Variants in TCF25 observed in about 807,000 individuals in gnomAD.
TCF25 encodes the protein ribosome quality control complex subunit TCF25.
Under a neutral mutation model 83.1 loss-of-function variants are expected in TCF25, and 41 were observed. The ratio of observed to expected loss-of-function variants is 0.49; its 90% confidence interval spans 0.38 to 0.64. The LOEUF (loss-of-function observed/expected upper bound fraction) is 0.64, where lower values mean the gene tolerates loss of function less well. Ranked by LOEUF, TCF25 falls within the 30% of genes least tolerant of loss-of-function variation. TCF25 has a pLI of 0.00. For synonymous variants in TCF25, 458 were observed against 365.0 expected (o/e 1.25, Z -2.90); for missense variants, 979 against 914.5 (o/e 1.07, Z -0.91).
At chr16:89,893,665 G>C in intron 6 of TCF25, 63 bp from the exon 7 acceptor site, 1 of 1,610,582 alleles carries the variant, frequency 6.2e-7, no homozygotes, top group Middle Eastern at 2.0e-4. Flanking sequence ...GGTGAGGGCT[G>C]TGCTCGGAGC....
intron 13 of TCF25, chr16:89,904,440 A>G (rs1411462892): frequency 1.7e-6 from 1 of 578,520 alleles, no homozygotes; most frequent in Non-Finnish European, 3.1e-6. Flanking sequence ...GCTCATATAA[A>G]GAGGGTGCCA....
In TCF25 at chr16:89,881,384, C is replaced by T. The variant is rs182779330; in HGVS notation, c.193-1967C>T. The stretch of plus-strand genomic sequence containing the variant: ...ATTTATTTTTGAACCTTAGTGCATC[C>T]GATTGGATCCATCAGAATCTCCTAG... On this transcript the variant is annotated intron_variant, in intron 1 of 17. Transcript: ENST00000263346. 1.7e-4 allele frequency among the ~76,000 whole-genome samples: 26 copies of T among 152,104 alleles called. 1 individual carries two copies. The highest frequency in any genetic ancestry group is 6.8e-3 in the Middle Eastern group (2 of 294).
rs761591870 is a variant in TCF25 at position 89,885,681 on chromosome 16, C to T, written c.430-167C>T. Reference sequence around the variant, plus strand: ...GCTGAGCGCTTCTTAGGAAACATCTCTTCTTTTTTCTAAATGTGTGGATGG... The same window carrying T: ...GCTGAGCGCTTCTTAGGAAACATCTTTTCTTTTTTCTAAATGTGTGGATGG... On this transcript the variant is annotated intron_variant, in intron 3 of 17. Coordinates refer to ENST00000263346, the MANE Select transcript of TCF25 (RefSeq NM_014972.3). Among the ~76,000 whole-genome samples, 180 of 152,270 alleles carry T rather than the reference C, an allele frequency of 1.2e-3. 5 individuals carry two copies. Among genetic ancestry groups the T allele is most frequent in the Non-Finnish European group, 3.2e-4 (22 of 68,026 alleles).
intron 14 of TCF25, 160 bp from the exon 15 acceptor site, chr16:89,906,034 A>T (rs917479805): frequency 1.5e-6 from 1 of 657,698 alleles, no homozygotes; most frequent in East Asian, 2.8e-5. Flanking sequence ...GGGACCAGCC[A>T]TGGTGCCTCT....
intron 11 of TCF25, 150 bp from the exon 12 acceptor site, chr16:89,900,485 T>C: frequency 1.2e-6 from 1 of 842,276 alleles, no homozygotes; most frequent in Non-Finnish European, 1.7e-6. Context: ...TTAAGTTATC[T>C]TTATGCTGAG....
At chr16:89,873,957 A>G in intron 1 of TCF25, 98 bp downstream of exon 1, 1 of 1,027,208 alleles carries the variant, frequency 9.7e-7, no homozygotes, top group Non-Finnish European at 1.2e-6. Flanking sequence ...TTGTGATGCC[A>G]GGGGTGGGAA....
chr16:89,911,125 C>A lies in TCF25; in HGVS notation c.1918C>A (p.Gln640Lys). 1 of 1,611,834 alleles carries A rather than the reference C, an allele frequency of 6.2e-7. No individual in the cohort carries two copies. Among genetic ancestry groups the A allele is most frequent in the South Asian group, 1.1e-5 (1 of 91,024 alleles). The change falls in exon 18 of 18, where the codon CAG becomes AAG. Residue 640 changes from glutamine (Q) to lysine (K), a missense_variant. Coordinates refer to ENST00000263346, the MANE Select transcript of TCF25 (RefSeq NM_014972.3). ...EGVAGGLNRN[Q>K]GLNRLMLAVR... ...AGTGGCTGGGGGTCTGAACCGCAAC[C>A]AGGGCCTGAACAGGCTGATGCTGGC... is the stretch of plus-strand genomic sequence containing the variant.
At chr16:89,904,572 C>T (rs910242292) in intron 13 of TCF25, 2 of 485,340 alleles carry the variant, frequency 4.1e-6, no homozygotes, top group Non-Finnish European at 7.6e-6. Flanking sequence ...GGTGAGACCC[C>T]GTCTCAAAAA....
At chr16:89,905,197 C>T (rs2044676242) in intron 14 of TCF25, 101 bp downstream of exon 14, 3 of 1,426,656 alleles carry the variant, frequency 2.1e-6, no homozygotes, top group South Asian at 2.9e-5. Context: ...GGGCTGTGAG[C>T]AGCTTGGCCT....
At chr16:89,873,957 A>C in intron 1 of TCF25, 98 bp downstream of exon 1, 2 of 1,027,210 alleles carry the variant, frequency 1.9e-6, no homozygotes, top group Non-Finnish European at 1.2e-6. Flanking sequence ...TTGTGATGCC[A>C]GGGGTGGGAA....
At chr16:89,907,620 G>C (rs527408418) in intron 16 of TCF25, among the ~76,000 whole-genome samples, 17 of 26,050 alleles carry the variant, frequency 6.5e-4, no homozygotes, top group African/African-American at 8.9e-4. Flanking sequence ...CCACCTCCCA[G>C]CTCCCGCCTC....
chr16:89,906,435 G>C, intron 15 of TCF25, 151 bp downstream of exon 15: 1 of 674,244 alleles, frequency 1.5e-6, no homozygotes, highest in Non-Finnish European at 2.5e-6. Context: ...AGTGCAGAGG[G>C]CTCCTCCTTT....
intron 9 of TCF25, among the ~76,000 whole-genome samples, chr16:89,898,301 T>C (rs1276351993): frequency 7.4e-6 from 1 of 135,198 alleles, no homozygotes; most frequent in African/African-American, 2.9e-5. Context: ...CGCTAAGCAG[T>C]GTGTGGGGTG....
intron 4 of TCF25, among the ~76,000 whole-genome samples, chr16:89,886,892 G>A (rs935561065): frequency 9.9e-5 from 15 of 152,160 alleles, no homozygotes; most frequent in African/African-American, 3.4e-4. Context: ...AGCCGAGATC[G>A]AGATCGCGCC....
chr16:89,897,091 C>T (rs186213387), intron 9 of TCF25, among the ~76,000 whole-genome samples: 39 of 152,108 alleles, frequency 2.6e-4, no homozygotes, highest in African/African-American at 8.2e-4. Flanking sequence ...ACAGTGGGCT[C>T]TGCAATTGCA....
chr16:89,880,340 T>G (rs2042517395), intron 1 of TCF25, among the ~76,000 whole-genome samples: 1 of 152,202 alleles, frequency 6.6e-6, no homozygotes, highest in Non-Finnish European at 1.5e-5. Flanking sequence ...TCCCAGCACT[T>G]TGGGAGTCTG....
intron 14 of TCF25, 141 bp downstream of exon 14, chr16:89,905,237 C>CA: frequency 2.5e-6 from 3 of 1,220,760 alleles, no homozygotes; most frequent in Non-Finnish European, 3.3e-6. Context: ...GTGGAGCCTA[C>CA]AAGACAGCGC....
intron 16 of TCF25, among the ~76,000 whole-genome samples, chr16:89,908,736 C>A (rs2045277292): frequency 8.3e-5 from 11 of 132,562 alleles, no homozygotes; most frequent in East Asian, 2.2e-4. Context: ...TCCCAGCTCC[C>A]AGCTCCTGCC....
At chr16:89,880,074 G>A (rs1279738323) in intron 1 of TCF25, among the ~76,000 whole-genome samples, 2 of 151,542 alleles carry the variant, frequency 1.3e-5, no homozygotes, top group African/African-American at 2.4e-5. Flanking sequence ...CCTGTCACAC[G>A]TGTTGTCCAT....
Sources: gnomAD v4.1 joint callset for allele counts (sites outside exome capture counted in the v4.1 genomes callset) on GRCh38, gnomAD v4.1.1 for gene constraint, MANE v1.5 for transcripts, NCBI Gene and HGNC (gene_info 2026-07-23, HGNC 2026-07-21) for gene names.